Variants in TRPM6 observed in about 807,000 individuals in gnomAD.
The protein encoded by TRPM6 is channel kinase 2.
A neutral mutation model predicts 247.6 loss-of-function variants in TRPM6; 111 were observed. That is an observed-to-expected ratio of 0.45 (90% CI 0.38 to 0.52). TRPM6 has a LOEUF of 0.52. Among genes scored for constraint, TRPM6 ranks in the 20% least tolerant of loss-of-function variants. The pLI, the probability that TRPM6 is intolerant of heterozygous loss-of-function variation, is 0.00. For missense variants in TRPM6, 2,126 were observed against 2,421.5 expected, an observed-to-expected ratio of 0.88 and a Z score of 2.56; for synonymous variants, 892 against 853.8, an observed-to-expected ratio of 1.04 and a Z score of -0.78.
rs563168293 is a variant in TRPM6 at position 74,738,545 on chromosome 9, T to C, written c.5638A>G (p.Thr1880Ala). ...TTGTTATACTTCCGGAACTCCCCTG[T>C]CATATACTTCTCAATGGTCAACCAC... Reference protein sequence around the residue: ...NQWLTIEKYMTGEFRKYNNNN... With the variant: ...NQWLTIEKYMAGEFRKYNNNN... Residue 1880 changes from threonine to alanine, a missense_variant, in exon 36 of 39, where the codon ACA (threonine) becomes GCA (alanine). Around this residue, in one of 3 missense-constraint regions of TRPM6, gnomAD observed 327 missense variants for 397.7 expected, o/e 0.82. Transcript: ENST00000360774. The C allele has an allele frequency of 6.2e-7, 1 of 1,614,160 alleles. No individual in the cohort carries two copies. The highest frequency in any genetic ancestry group is 1.1e-5 in the South Asian group (1 of 91,088).
At chr9:74,817,377 A>G (rs534537465) in intron 9 of TRPM6, among the ~76,000 whole-genome samples, 6 of 152,262 alleles carry the variant, frequency 3.9e-5, no homozygotes, top group African/African-American at 1.4e-4. Context: ...TTTTGTAGAG[A>G]CAAGGTCTCA....
chr9:74,799,408 G>C (rs1365980862), intron 17 of TRPM6, among the ~76,000 whole-genome samples: 1 of 151,942 alleles, frequency 6.6e-6, no homozygotes, highest in Non-Finnish European at 1.5e-5. Context: ...AATGTCCTTA[G>C]CAGTCAACTA....
In TRPM6 at chr9:74,762,129, C is replaced by G. The variant is rs1347088567; in HGVS notation, c.4542G>C (p.Glu1514Asp). ...TRSAQSSECS[E>D]VGPWLQPNTS... ...TGTTTGGCTGAAGCCATGGTCCCACCTCTGAGCATTCACTACTCTGGGCCG... is the reference window on the plus strand; with the variant it reads ...TGTTTGGCTGAAGCCATGGTCCCACGTCTGAGCATTCACTACTCTGGGCCG... Residue 1514 changes from glutamate (E) to aspartate (D), a missense_variant, in exon 26 of 39, where the codon GAG becomes GAC. Physicochemically the swap from Glu to Asp is conservative, Grantham distance 45. Coordinates refer to ENST00000360774, the MANE Select transcript of TRPM6 (RefSeq NM_017662.5). 2 of 1,614,224 alleles carry G rather than the reference C, an allele frequency of 1.2e-6. No individual in the cohort carries two copies. Among genetic ancestry groups the G allele is most frequent in the South Asian group, 2.2e-5 (2 of 91,086 alleles).
At chr9:74,741,538 C>G (rs1825864158) in intron 33 of TRPM6, among the ~76,000 whole-genome samples, 1 of 151,964 alleles carries the variant, frequency 6.6e-6, no homozygotes, top group Non-Finnish European at 1.5e-5. Flanking sequence ...GGCTTTAGAG[C>G]AGAGCTATTG....
intron 23 of TRPM6, among the ~76,000 whole-genome samples, chr9:74,779,339 T>C (rs66591564): frequency 0.032 from 4,883 of 152,300 alleles, 111 homozygotes; most frequent in Middle Eastern, 0.071. Flanking sequence ...AAAATAGCTA[T>C]TATAACTAAA....
At chr9:74,850,944 A>G (rs1830287786) in intron 3 of TRPM6, among the ~76,000 whole-genome samples, 1 of 152,206 alleles carries the variant, frequency 6.6e-6, no homozygotes, top group South Asian at 2.1e-4. Context: ...ATAATGATTC[A>G]TCTGCCTGGC....
Position 74,796,901 on chromosome 9 carries a change from A to G in TRPM6, c.2239-8T>C. ...AATAATGCTTATAATAATCTGTAAA[A>G]GAAAAAAAAGCAAAACAAAGTAGTA... On this transcript the variant is annotated splice_region_variant and splice_polypyrimidine_tract_variant and intron_variant, in intron 17 of 38. Transcript: ENST00000360774. 2 of 1,612,438 alleles carry G rather than the reference A, an allele frequency of 1.2e-6. No homozygotes were observed. The highest frequency in any genetic ancestry group is 1.7e-6 in the Non-Finnish European group (2 of 1,178,546).
At chr9:74,739,586 C>T (rs1825797294) in intron 34 of TRPM6, 137 bp from the exon 35 acceptor site, 8 of 1,517,622 alleles carry the variant, frequency 5.3e-6, no homozygotes, top group Non-Finnish European at 7.3e-6. Flanking sequence ...AGCAAAAGTC[C>T]TACAAAGCAA....
At chr9:74,845,785 T>A (rs932069941) in intron 3 of TRPM6, among the ~76,000 whole-genome samples, 4 of 151,860 alleles carry the variant, frequency 2.6e-5, no homozygotes, top group Non-Finnish European at 4.4e-5. Context: ...CGAAATTACA[T>A]CACTGCACTC....
intron 14 of TRPM6, among the ~76,000 whole-genome samples, chr9:74,807,188 A>G (rs1319895698): frequency 6.6e-6 from 1 of 152,168 alleles, no homozygotes. Context: ...AAGGATCCCA[A>G]GTAGCTTGAT....
intron 25 of TRPM6, among the ~76,000 whole-genome samples, chr9:74,771,435 G>A (rs937824073): frequency 1.3e-5 from 2 of 151,718 alleles, no homozygotes; most frequent in Admixed American, 6.6e-5. Context: ...ACACACACAC[G>A]CGCGCGCGCA....
chr9:74,726,097 T>G lies in TRPM6; in HGVS notation c.5936-1351A>C, dbSNP rs74884224. Among the ~76,000 whole-genome samples the G allele has an allele frequency of 8.6e-3, 1,316 of 152,360 alleles. 9 individuals are homozygous for G. Among genetic ancestry groups the G allele is most frequent in the South Asian group, 0.023 (112 of 4,832 alleles). On this transcript the variant is annotated intron_variant, in intron 38 of 38. Transcript: ENST00000360774. ...TCCTATTTTCCAGACAAAACTCTTT[T>G]TTTATTTAGATTACCAAATGTCTGA...
Position 74,786,074 on chromosome 9 carries a change from T to TTAAGG in TRPM6, c.2718_2719insCCTTA (p.Ser907ProfsTer2). 1.2e-6 allele frequency: 2 copies of TTAAGG among 1,614,202 alleles called. No homozygotes were observed. Among genetic ancestry groups the TTAAGG allele is most frequent in the Non-Finnish European group, 1.7e-6 (2 of 1,180,022 alleles). ...GTTTCTGTTAAGTTCCAGTACTCAC[T>TTAAGG]AATCCATACCTTCACCTTTTGGGTA... On this transcript the variant is annotated frameshift_variant, in exon 21 of 39. Transcript: ENST00000360774. LOFTEE classifies it high-confidence loss of function.
intron 36 of TRPM6, among the ~76,000 whole-genome samples, chr9:74,735,452 C>T (rs1825664232): frequency 6.6e-6 from 1 of 151,958 alleles, no homozygotes; most frequent in South Asian, 2.1e-4. Flanking sequence ...AAAGAAGCTA[C>T]CAATTTATGT....
intron 38 of TRPM6, among the ~76,000 whole-genome samples, chr9:74,726,292 C>G (rs907652219): frequency 3.3e-5 from 5 of 152,084 alleles, no homozygotes; most frequent in Non-Finnish European, 7.4e-5. Flanking sequence ...GGTGGATAAC[C>G]TGAGGTCAAG....
chr9:74,846,674 G>A (rs113330965), intron 3 of TRPM6, among the ~76,000 whole-genome samples: 5,827 of 151,998 alleles, frequency 0.038, 391 homozygotes, highest in African/African-American at 0.14. Flanking sequence ...AGCCTCCCAA[G>A]TAGCTGGGAT....
At position 74,801,243 on chromosome 9, in the gene TRPM6, A is replaced by ATTTTTTTTTTTTTT. The variant is rs59490187; in HGVS notation, c.2009+641_2009+654dup. Among the ~76,000 whole-genome samples, 4 of 85,250 alleles carry ATTTTTTTTTTTTTT rather than the reference A, an allele frequency of 4.7e-5. 1 individual carries two copies. Among genetic ancestry groups the ATTTTTTTTTTTTTT allele is most frequent in the African/African-American group, 1.3e-4 (3 of 22,776 alleles). 55.9% of individuals were successfully genotyped at this position (85,250 alleles called of 152,430 possible). The stretch of plus-strand genomic sequence containing the variant: ...GTGAGCCACTGCACCAAGCCTGGGA[A>ATTTTTTTTTTTTTT]TTTTTTTTTTTTTTTTTTTTTTTTT... On this transcript the variant is annotated intron_variant, in intron 16 of 38. Coordinates refer to ENST00000360774, the MANE Select transcript of TRPM6 (RefSeq NM_017662.5).
intron 12 of TRPM6, among the ~76,000 whole-genome samples, chr9:74,811,510 CT>C (rs1828728654): frequency 6.6e-6 from 1 of 152,154 alleles, no homozygotes; most frequent in African/African-American, 2.4e-5. Context: ...GTAAGTCAGG[CT>C]AGTTTCAACA....
At chr9:74,744,037 A>T in intron 32 of TRPM6, 58 bp downstream of exon 32, 1 of 1,541,934 alleles carries the variant, frequency 6.5e-7, no homozygotes, top group South Asian at 1.1e-5. Context: ...TCTGTTTACA[A>T]ATGCAGAAGC....
Sources: gnomAD v4.1 joint callset for allele counts (sites outside exome capture counted in the v4.1 genomes callset) on GRCh38, gnomAD v4.1.1 for gene constraint, gnomAD v4.1.1 regional missense constraint, MANE v1.5 for transcripts, NCBI Gene and HGNC (gene_info 2026-07-23, HGNC 2026-07-21) for gene names.